EPHB6: variants seen among roughly 807,000 people sequenced by gnomAD.
EPHB6 encodes the protein EPH receptor B6.
Under a neutral mutation model 107.0 loss-of-function variants are expected in EPHB6, and 51 were observed. That is an observed-to-expected ratio of 0.48 (90% confidence interval 0.38 to 0.60). The LOEUF is 0.60. Among genes scored for constraint, EPHB6 ranks in the 20% least tolerant of loss-of-function variants. EPHB6 has a pLI of 0.00. For missense variants in EPHB6, 1,141 were observed against 1,355.5 expected, an observed-to-expected ratio of 0.84 and a Z score of 2.48; for synonymous variants, 553 against 549.0, an observed-to-expected ratio of 1.01 and a Z score of -0.10.
Position 142,870,981 on chromosome 7 carries a change from G to T in EPHB6, c.*77G>T, listed in dbSNP as rs1794896446. The T allele has an allele frequency of 2.1e-6, 3 of 1,406,108 alleles. No homozygotes were observed. The highest frequency in any genetic ancestry group is 2.0e-6 in the Non-Finnish European group (2 of 1,024,422). The allele number at this position is 1,406,108 out of a possible 1,614,324, so 87.1% of individuals were successfully genotyped here. A position where few individuals can be genotyped will look rare whatever the true frequency, so the allele number is the denominator to read the frequency against. ...GTGGGACGTGAGCCGGGCTCCAACA[G>T]CCTCTGTGAGAGATGCCCCACACCA... is the stretch of plus-strand genomic sequence containing the variant. On this transcript the variant is annotated 3_prime_UTR_variant, in exon 20 of 20. Coordinates refer to ENST00000652003, the MANE Select transcript of EPHB6 (RefSeq NM_004445.6).
At chr7:142,863,752 C>A (rs1802969920) in intron 6 of EPHB6, 57 bp downstream of exon 6, 3 of 1,580,426 alleles carry the variant, frequency 1.9e-6, no homozygotes, top group African/African-American at 1.3e-5. Context: ...TCCCTGTTCC[C>A]TGGAGAGTGG....
At chr7:142,856,884 C>T (rs1033445096) in intron 1 of EPHB6, among the ~76,000 whole-genome samples, 1 of 152,150 alleles carries the variant, frequency 6.6e-6, no homozygotes, top group Admixed American at 6.5e-5. Flanking sequence ...GCATCTGCTC[C>T]CGCCCACCTC....
Position 142,867,622 on chromosome 7 carries a change from C to T in EPHB6, c.1765C>T (p.Gln589Ter). 1.2e-6 allele frequency: 2 copies of T among 1,612,934 alleles called. No individual in the cohort carries two copies. The highest frequency in any genetic ancestry group is 1.7e-6 in the Non-Finnish European group (2 of 1,179,788). The stretch of plus-strand genomic sequence containing the variant: ...TGGTCCCCCAGGGGAGCTGTCTTCC[C>T]AGCTTCCAGAAAGACTCTCCTTGGT... ...QTLPQGELSS[Q>*]LPERLSLVIG... The change falls in exon 12 of 20, where the codon CAG becomes TAG. Residue 589 changes from glutamine to a stop codon, truncating the protein, a stop_gained. Coordinates refer to ENST00000652003, the MANE Select transcript of EPHB6 (RefSeq NM_004445.6). LOFTEE classifies it high-confidence loss of function. The surrounding 1 kb of genome is among the most constrained non-coding windows in gnomAD (Gnocchi z 5.3).
chr7:142,870,058 T>G, intron 17 of EPHB6, 92 bp downstream of exon 17: 1 of 1,600,994 alleles, frequency 6.2e-7, no homozygotes. Context: ...CCGTTTGTAT[T>G]CTAAGATCTC....
rs750978025 is a variant in EPHB6 at position 142,868,059 on chromosome 7, A to C, written c.1918+10A>C. The C allele has an allele frequency of 2.5e-6, 4 of 1,606,156 alleles. No homozygotes were observed. In the South Asian group the frequency reaches 4.5e-5, roughly 18 times the overall value. ...CAATACAGCAGCCCAGGTGGGGATG[A>C]GGAGAGGAAATGGGTGGGGCTGGGG... On this transcript the variant is annotated intron_variant, in intron 13 of 19. Coordinates refer to ENST00000652003, the MANE Select transcript of EPHB6 (RefSeq NM_004445.6). This position sits in a 1 kb window ranked among gnomAD's most constrained non-coding sequence, Gnocchi z 4.2.
At position 142,867,426 on chromosome 7, in the gene EPHB6, T is replaced by TCCA. The variant is rs1794660572; in HGVS notation, c.1751-182_1751-181insCCA. The TCCA allele has an allele frequency of 8.9e-6, 6 of 671,410 alleles. No individual in the cohort carries two copies. Among genetic ancestry groups the TCCA allele is most frequent in the Non-Finnish European group, 1.6e-5 (6 of 370,126 alleles). The allele number at this position is 671,410 out of a possible 1,614,324, so 41.6% of individuals were successfully genotyped here. On this transcript the variant is annotated intron_variant, in intron 11 of 19. Coordinates refer to ENST00000652003, the MANE Select transcript of EPHB6 (RefSeq NM_004445.6). This position sits in a 1 kb window ranked among gnomAD's most constrained non-coding sequence, Gnocchi z 5.3. ...TGTGTGTGTGTTGTGTGTCCCTGTG[T>TCCA]GTGGATGTGGGAGGGCTGTGGGCGT... is the stretch of plus-strand genomic sequence containing the variant.
chr7:142,867,169 C>G lies in EPHB6; in HGVS notation c.1750+101C>G. 2 of 1,444,414 alleles carry G rather than the reference C, an allele frequency of 1.4e-6. No homozygotes were observed. The highest frequency in any genetic ancestry group is 2.6e-5 in the South Asian group (2 of 76,812). 89.5% of individuals were successfully genotyped at this position (1,444,414 alleles called of 1,614,324 possible). On this transcript the variant is annotated intron_variant, in intron 11 of 19. Transcript: ENST00000652003. The surrounding 1 kb of genome is among the most constrained non-coding windows in gnomAD (Gnocchi z 5.3). ...GCCTTGAACCCTGGCCCCGTGCTTC[C>G]CAACCAGAAGTTCTGTGGGAAAGGA...
chr7:142,869,833 T>G lies in EPHB6; in HGVS notation c.2477T>G (p.Leu826Arg). The change falls in exon 17 of 20, where the codon CTT becomes CGT. Residue 826 changes from leucine to arginine, a missense_variant. Transcript: ENST00000652003. The surrounding 1 kb of genome is among the most constrained non-coding windows in gnomAD (Gnocchi z 4.5). ...ACCCCTCAGGGCCCAAGTTGTTTGC[T>G]TCGCTGGGCAGCCCCAGAGGTCATT... Reference protein sequence around the residue: ...GHSPQGPSCLLRWAAPEVIAH... With the variant: ...GHSPQGPSCLRRWAAPEVIAH... 6.2e-7 allele frequency: 1 copy of G among 1,614,212 alleles called. No homozygotes were observed. Among genetic ancestry groups the G allele is most frequent in the Non-Finnish European group, 8.5e-7 (1 of 1,180,030 alleles).
At chr7:142,863,782 G>A in intron 6 of EPHB6, 87 bp downstream of exon 6, 1 of 1,527,766 alleles carries the variant, frequency 6.5e-7, no homozygotes, top group Admixed American at 1.7e-5. Flanking sequence ...AGGAAACCCT[G>A]GGTGAGGATT....
At position 142,855,916 on chromosome 7, in the gene EPHB6, C is replaced by A. The variant is rs930661229; in HGVS notation, c.-432+531C>A. On this transcript the variant is annotated intron_variant, in intron 1 of 19. Coordinates refer to ENST00000652003, the MANE Select transcript of EPHB6 (RefSeq NM_004445.6). The surrounding 1 kb of genome is among the most constrained non-coding windows in gnomAD (Gnocchi z 4.2). ...GGTTCCTGCTGCCCAGCCATCACCC[C>A]CAACGTGCAACCAAATTCTATTGCG... Among the ~76,000 whole-genome samples, 5 of 152,216 alleles carry A rather than the reference C, an allele frequency of 3.3e-5. No individual in the cohort carries two copies. Among genetic ancestry groups the A allele is most frequent in the Admixed American group, 2.0e-4 (3 of 15,288 alleles).
Position 142,870,672 on chromosome 7 carries a change from C to T in EPHB6, c.2947C>T (p.Gln983Ter). ...FGLCTFSDVA[Q>*]LSLEDLPALG... is the part of the protein sequence containing the mutation. ...CCTCTGTACCTTCAGTGATGTGGCT[C>T]AGCTCAGCCTAGAGTAAGCAGGGAG... Residue 983 changes from glutamine (Q) to a stop codon, truncating the protein, a stop_gained, in exon 19 of 20, where the codon CAG (glutamine) becomes TAG (stop). Transcript: ENST00000652003. LOFTEE classifies it high-confidence loss of function. 1 of 1,614,206 alleles carries T rather than the reference C, an allele frequency of 6.2e-7. No individual in the cohort carries two copies. Among genetic ancestry groups the T allele is most frequent in the Non-Finnish European group, 8.5e-7 (1 of 1,180,038 alleles).
In EPHB6 at chr7:142,866,785, G is replaced by A; in HGVS notation, c.1588-121G>A. 1.9e-6 allele frequency: 3 copies of A among 1,572,494 alleles called. No homozygotes were observed. Among genetic ancestry groups the A allele is most frequent in the Non-Finnish European group, 2.6e-6 (3 of 1,145,384 alleles). Reference sequence around the variant, plus strand: ...AATGGGCAAGGAGAGGTGCCCAGAAGTGTGCAGCACTGGGCATGTGTCTGA... The same window carrying A: ...AATGGGCAAGGAGAGGTGCCCAGAAATGTGCAGCACTGGGCATGTGTCTGA... On this transcript the variant is annotated intron_variant, in intron 10 of 19. Transcript: ENST00000652003. This position sits in a 1 kb window ranked among gnomAD's most constrained non-coding sequence, Gnocchi z 5.2.
intron 18 of EPHB6, 31 bp downstream of exon 18, chr7:142,870,438 G>T: frequency 6.2e-7 from 1 of 1,613,828 alleles, no homozygotes; most frequent in Non-Finnish European, 8.5e-7. Flanking sequence ...GCCTGGGAAA[G>T]CCAGGGAGGG....
At chr7:142,862,484 G>T (rs543186324) in intron 3 of EPHB6, among the ~76,000 whole-genome samples, 1 of 152,234 alleles carries the variant, frequency 6.6e-6, no homozygotes, top group East Asian at 1.9e-4. Context: ...CCATAGCTCT[G>T]CCCCCTCCCT....
Position 142,868,817 on chromosome 7 carries a change from T to G in EPHB6, c.2286+78T>G. On this transcript the variant is annotated intron_variant, in intron 15 of 19. Coordinates refer to ENST00000652003, the MANE Select transcript of EPHB6 (RefSeq NM_004445.6). The surrounding 1 kb of genome is among the most constrained non-coding windows in gnomAD (Gnocchi z 4.2). ...AGGAGACGAGGTCCTGTATCTTTGC[T>G]TCTTACCACCCCACCTTCCATGGTC... 1 of 1,610,236 alleles carries G rather than the reference T, an allele frequency of 6.2e-7. No homozygotes were observed. The highest frequency in any genetic ancestry group is 8.5e-7 in the Non-Finnish European group (1 of 1,178,574).
chr7:142,870,453 T>C (rs765115482), intron 18 of EPHB6, 46 bp downstream of exon 18: 14 of 1,613,868 alleles, frequency 8.7e-6, no homozygotes, highest in Non-Finnish European at 1.2e-5. Context: ...GGAGGGTAGA[T>C]GCAAACCTAA....
At position 142,864,618 on chromosome 7, in the gene EPHB6, G is replaced by A. The variant is rs1279498487; in HGVS notation, c.818G>A (p.Gly273Glu). 6.2e-7 allele frequency: 1 copy of A among 1,612,432 alleles called. No homozygotes were observed. The highest frequency in any genetic ancestry group is 1.3e-5 in the African/African-American group (1 of 74,920). The change falls in exon 7 of 20, where the codon GGA becomes GAA. Residue 273 changes from glycine to glutamate, a missense_variant. Physicochemically the swap from Gly to Glu is moderately conservative, Grantham distance 98. This residue lies in a region of EPHB6 where 304 missense variants were observed against 295.7 expected (regional missense o/e 1.03). Transcript: ENST00000652003. ...CVAHAEPEED[G>E]VGGQAGGSPP... The stretch of plus-strand genomic sequence containing the variant: ...GCTCATGCAGAGCCAGAGGAGGATG[G>A]AGTAGGGGGCCAGGCAGGAGGCAGC...
At position 142,868,577 on chromosome 7, in the gene EPHB6, G is replaced by A. The variant is rs1193787359; in HGVS notation, c.2124G>A (p.Gly708=). The change falls in exon 15 of 20, where the codon GGG becomes GGA. Residue 708 remains glycine, a synonymous_variant. Transcript: ENST00000652003. The surrounding 1 kb of genome is among the most constrained non-coding windows in gnomAD (Gnocchi z 4.2). ...TGGCCATCCAGGCCCTGTGGGCCGG[G>A]GGCGCCGAAAGCCTGCAGATGACCT... ...QTVAIQALWA[G]GAESLQMTFL... 6.2e-7 allele frequency: 1 copy of A among 1,613,414 alleles called. No homozygotes were observed. Among genetic ancestry groups the A allele is most frequent in the Non-Finnish European group, 8.5e-7 (1 of 1,179,914 alleles).
In EPHB6 at chr7:142,870,223, G is replaced by T; in HGVS notation, c.2620G>T (p.Ala874Ser). Reference protein sequence around the residue: ...WDMSEQEVLNAIEQEFRLPPP... With the variant: ...WDMSEQEVLNSIEQEFRLPPP... ...TTCCTCTGACCCCCAGGTACTAAAT[G>T]CAATAGAGCAGGAGTTCCGGCTGCC... The change falls in exon 18 of 20, where the codon GCA (alanine) becomes TCA (serine). Residue 874 changes from alanine to serine, a missense_variant. Ala to Ser is a moderately conservative substitution (Grantham distance 99, BLOSUM62 1). This residue lies in a region of EPHB6 where 616 missense variants were observed against 759.3 expected (regional missense o/e 0.81). Coordinates refer to ENST00000652003, the MANE Select transcript of EPHB6 (RefSeq NM_004445.6). 6.2e-7 allele frequency: 1 copy of T among 1,614,166 alleles called. No individual in the cohort carries two copies. Among genetic ancestry groups the T allele is most frequent in the Non-Finnish European group, 8.5e-7 (1 of 1,180,032 alleles).
Sources: allele counts gnomAD v4.1 joint callset (sites outside exome capture counted in the v4.1 genomes callset), GRCh38; gene constraint gnomAD v4.1.1; regional missense constraint gnomAD v4.1.1; non-coding constraint Gnocchi (gnomAD v3.1); transcripts MANE v1.5; gene names NCBI Gene and HGNC (gene_info 2026-07-23, HGNC 2026-07-21).